ZNF804B: variants seen among roughly 807,000 people sequenced by gnomAD.
ZNF804B encodes the protein zinc finger 804B.
In ZNF804B, 80 loss-of-function variants were observed where a neutral mutation model predicts 101.4. That is an observed-to-expected ratio of 0.79 (90% CI 0.66 to 0.95). The LOEUF is 0.95. Among genes scored for constraint, ZNF804B ranks in the 40% least tolerant of loss-of-function variants. The pLI is 0.00. For synonymous variants in ZNF804B, 622 were observed against 558.8 expected (o/e 1.11, Z -1.59); for missense variants, 1,673 against 1,561.9 (o/e 1.07, Z -1.20).
rs774478047 is a variant in ZNF804B at position 89,327,356 on chromosome 7, T to A, written c.262T>A (p.Leu88Ile). 1.9e-6 allele frequency: 3 copies of A among 1,604,350 alleles called. No homozygotes were observed. The highest frequency in any genetic ancestry group is 2.5e-6 in the Non-Finnish European group (3 of 1,176,718). Residue 88 changes from leucine to isoleucine, a missense_variant, in exon 3 of 4, where the codon TTA (leucine) becomes ATA (isoleucine). Transcript: ENST00000333190. ...DHAHKQRLKE[L>I]KQREFARNVA... Reference sequence around the variant, plus strand: ...CTTCTTTTTCAAGAGACTGAAAGAATTAAAGCAACGGGAATTTGCTCGAAA... The same window carrying A: ...CTTCTTTTTCAAGAGACTGAAAGAAATAAAGCAACGGGAATTTGCTCGAAA...
intron 1 of ZNF804B, among the ~76,000 whole-genome samples, chr7:89,040,594 CCAGA>C (rs1372660449): frequency 6.6e-6 from 1 of 152,088 alleles, no homozygotes; most frequent in Non-Finnish European, 1.5e-5. Flanking sequence ...GAATTATTTG[CCAGA>C]CAGTTTGTAG....
intron 1 of ZNF804B, among the ~76,000 whole-genome samples, chr7:88,872,545 T>C (rs1234817925): frequency 6.6e-6 from 1 of 152,094 alleles, no homozygotes; most frequent in East Asian, 1.9e-4. Flanking sequence ...TGTATACATG[T>C]GCCATGCTGG....
At chr7:89,176,822 A>G (rs1209613730) in intron 1 of ZNF804B, among the ~76,000 whole-genome samples, 1 of 150,534 alleles carries the variant, frequency 6.6e-6, no homozygotes, top group Non-Finnish European at 1.5e-5. Flanking sequence ...ATTATTTGTT[A>G]TTCATCTTCT....
intron 1 of ZNF804B, among the ~76,000 whole-genome samples, chr7:89,032,507 A>G (rs1692463100): frequency 6.6e-6 from 1 of 152,112 alleles, no homozygotes; most frequent in South Asian, 2.1e-4. Flanking sequence ...TCTTTTCTTC[A>G]TTTCAGAATA....
chr7:88,989,325 CA>C (rs1309453673), intron 1 of ZNF804B, among the ~76,000 whole-genome samples: 10 of 152,026 alleles, frequency 6.6e-5, no homozygotes, highest in Non-Finnish European at 1.3e-4. Flanking sequence ...TATGTAATTT[CA>C]AAGGAGATTT....
At chr7:89,087,559 T>A (rs1367103278) in intron 1 of ZNF804B, among the ~76,000 whole-genome samples, 1 of 152,044 alleles carries the variant, frequency 6.6e-6, no homozygotes, top group Non-Finnish European at 1.5e-5. Flanking sequence ...AGTTTTGATA[T>A]CTCTTTAAAT....
At chr7:88,776,216 C>G (rs1193731570) in intron 1 of ZNF804B, among the ~76,000 whole-genome samples, 1 of 152,186 alleles carries the variant, frequency 6.6e-6, no homozygotes, top group Non-Finnish European at 1.5e-5. Context: ...TTACTTTGAT[C>G]ACAGTTGGCT....
At chr7:89,098,639 A>G (rs1010205624) in intron 1 of ZNF804B, among the ~76,000 whole-genome samples, 1 of 152,170 alleles carries the variant, frequency 6.6e-6, no homozygotes, top group African/African-American at 2.4e-5. Context: ...CAAACAAAAA[A>G]CAATGCTAAG....
At chr7:88,792,981 A>G (rs1790402473) in intron 1 of ZNF804B, among the ~76,000 whole-genome samples, 1 of 151,960 alleles carries the variant, frequency 6.6e-6, no homozygotes. Flanking sequence ...GCAGAACAAA[A>G]TTTTCTTCAA....
At chr7:89,181,261 A>T (rs1788291771) in intron 1 of ZNF804B, among the ~76,000 whole-genome samples, 1 of 152,066 alleles carries the variant, frequency 6.6e-6, no homozygotes, top group African/African-American at 2.4e-5. Context: ...TGGCACCAGG[A>T]CTTGCCTAGG....
intron 1 of ZNF804B, among the ~76,000 whole-genome samples, chr7:89,190,235 T>C (rs1263442367): frequency 6.6e-6 from 1 of 151,292 alleles, no homozygotes; most frequent in Non-Finnish European, 1.5e-5. Context: ...CTCAGTAGGC[T>C]GAGGCAGGAT....
intron 1 of ZNF804B, among the ~76,000 whole-genome samples, chr7:88,942,436 G>A (rs543301683): frequency 1.3e-5 from 2 of 151,632 alleles, no homozygotes; most frequent in South Asian, 4.2e-4. Context: ...GAATGAAATA[G>A]AGATTGAAGT....
At chr7:89,275,649 T>G (rs781511120) in intron 2 of ZNF804B, among the ~76,000 whole-genome samples, 6 of 151,974 alleles carry the variant, frequency 3.9e-5, no homozygotes, top group Non-Finnish European at 8.8e-5. Context: ...CTTAATATAG[T>G]CTTTTATACC....
chr7:89,315,273 A>G (rs943882833), intron 2 of ZNF804B, among the ~76,000 whole-genome samples: 2 of 152,172 alleles, frequency 1.3e-5, no homozygotes, highest in Non-Finnish European at 2.9e-5. Context: ...AACTGCCCCC[A>G]TGATGCAGTC....
intron 1 of ZNF804B, among the ~76,000 whole-genome samples, chr7:88,964,117 G>C (rs1793425117): frequency 6.6e-6 from 1 of 151,368 alleles, no homozygotes; most frequent in Non-Finnish European, 1.5e-5. Context: ...TGGATAAAAA[G>C]TGTGGCAGTT....
At chr7:88,963,764 C>T (rs6971572) in intron 1 of ZNF804B, among the ~76,000 whole-genome samples, 149,546 of 151,408 alleles carry the variant, frequency 0.99, 73,861 homozygotes, top group Middle Eastern at 1. Context: ...GAAAAGGTAT[C>T]TGTAAATCAT....
At chr7:88,959,046 C>G (rs77502794) in intron 1 of ZNF804B, among the ~76,000 whole-genome samples, 14,574 of 151,436 alleles carry the variant, frequency 0.096, 912 homozygotes, top group South Asian at 0.17. Context: ...TCACCTGCCT[C>G]ATGCATTCAG....
chr7:88,780,207 C>G (rs1229513262), intron 1 of ZNF804B, among the ~76,000 whole-genome samples: 1 of 151,950 alleles, frequency 6.6e-6, no homozygotes, highest in Non-Finnish European at 1.5e-5. Context: ...AAAGGGAACC[C>G]TTGTACACTG....
intron 1 of ZNF804B, among the ~76,000 whole-genome samples, chr7:88,774,404 T>G (rs973118574): frequency 2.6e-5 from 4 of 152,020 alleles, no homozygotes; most frequent in Non-Finnish European, 5.9e-5. Flanking sequence ...AATAGAGCAC[T>G]AGATTGGACC....
Sources: allele counts gnomAD v4.1 joint callset (sites outside exome capture counted in the v4.1 genomes callset), GRCh38; gene constraint gnomAD v4.1.1; transcripts MANE v1.5; gene names NCBI Gene and HGNC (gene_info 2026-07-23, HGNC 2026-07-21).